The following SHLD2 variants were observed in gnomAD, a reference collection of about 807,000 sequenced individuals.
The protein encoded by SHLD2 is RINN1-REV7-interacting novel NHEJ regulator 2.
Under a neutral mutation model 73.2 loss-of-function variants are expected in SHLD2, and 30 were observed. The ratio of observed to expected loss-of-function variants is 0.41; its 90% confidence interval spans 0.31 to 0.56. The LOEUF is 0.56. Among genes scored for constraint, SHLD2 ranks in the 20% least tolerant of loss-of-function variants. SHLD2 has a pLI of 0.28. For synonymous variants in SHLD2, 285 were observed against 370.1 expected, an observed-to-expected ratio of 0.77 and a Z score of 2.64; for missense variants, 745 against 1,055.9, an observed-to-expected ratio of 0.71 and a Z score of 4.08.
intron 4 of SHLD2, among the ~76,000 whole-genome samples, chr10:87,160,294 C>G (rs1846711827): frequency 6.6e-6 from 1 of 151,880 alleles, no homozygotes; most frequent in Non-Finnish European, 1.5e-5. Flanking sequence ...CGACACCAGC[C>G]TGGATGATAT....
chr10:87,179,494 C>T (rs1224563191), intron 7 of SHLD2, among the ~76,000 whole-genome samples: 5 of 151,874 alleles, frequency 3.3e-5, no homozygotes, highest in South Asian at 2.1e-4. Context: ...CTCTGCCTCC[C>T]GGGTTCAAGC....
At chr10:87,165,500 ATTTT>A (rs970473224) in intron 4 of SHLD2, among the ~76,000 whole-genome samples, 1 of 152,224 alleles carries the variant, frequency 6.6e-6, no homozygotes, top group Non-Finnish European at 1.5e-5. Context: ...GATCCACCAT[ATTTT>A]TTGTGGAATT....
chr10:87,152,636 A>G lies in SHLD2; in HGVS notation c.1282A>G (p.Lys428Glu). 6.2e-7 allele frequency: 1 copy of G among 1,610,884 alleles called. No homozygotes were observed. Among genetic ancestry groups the G allele is most frequent in the Non-Finnish European group, 8.5e-7 (1 of 1,179,542 alleles). The change falls in exon 3 of 10, where the codon AAA becomes GAA. Residue 428 changes from lysine to glutamate, a missense_variant. Lys to Glu is a moderately conservative substitution (Grantham distance 56). Around this residue, in one of 5 missense-constraint regions of SHLD2, gnomAD observed 418 missense variants for 567.8 expected, o/e 0.74. Transcript: ENST00000298786. ...RNVSEFKSIK[K>E]TSLIKNCDSK... Reference sequence around the variant, plus strand: ...TGTGTCTGAATTTAAGAGTATTAAAAAAACATCATTAATAAAAAACTGTGA... The same window carrying G: ...TGTGTCTGAATTTAAGAGTATTAAAGAAACATCATTAATAAAAAACTGTGA...
intron 1 of SHLD2, among the ~76,000 whole-genome samples, chr10:87,096,266 A>C (rs1045516533): frequency 3.3e-5 from 5 of 152,174 alleles, no homozygotes; most frequent in African/African-American, 1.2e-4. Context: ...GCTGGTCTCC[A>C]ACGCCTGACC....
At chr10:87,120,682 A>G (rs1843556624) in intron 2 of SHLD2, among the ~76,000 whole-genome samples, 1 of 152,152 alleles carries the variant, frequency 6.6e-6, no homozygotes, top group Admixed American at 6.5e-5. Context: ...CTCATTCCTT[A>G]ACATTTAAAA....
intron 2 of SHLD2, among the ~76,000 whole-genome samples, chr10:87,105,237 AG>A (rs1460095318): frequency 1.3e-5 from 2 of 152,196 alleles, no homozygotes; most frequent in Admixed American, 6.5e-5. Flanking sequence ...GGGAAGTGTA[AG>A]GTAAAAATTG....
chr10:87,102,777 C>G (rs1842352541), intron 2 of SHLD2, among the ~76,000 whole-genome samples: 1 of 152,116 alleles, frequency 6.6e-6, no homozygotes, highest in African/African-American at 2.4e-5. Flanking sequence ...GTTGCCTAGG[C>G]TGGTCTCATG....
In SHLD2 at chr10:87,180,153, A is replaced by G. The variant is rs1211873749; in HGVS notation, c.2249A>G (p.His750Arg). 2 of 1,613,888 alleles carry G rather than the reference A, an allele frequency of 1.2e-6. No homozygotes were observed. The highest frequency in any genetic ancestry group is 1.3e-5 in the African/African-American group (1 of 75,038). ...TASQKIALNA[H>R]SSLKSIFSSL... ...TCTCAGAAGATAGCGCTAAATGCTC[A>G]CAGTTCTCTGAAGAGTATTTTTTCT... The change falls in exon 8 of 10, where the codon CAC (histidine) becomes CGC (arginine). Residue 750 changes from histidine to arginine, a missense_variant. Physicochemically the swap from His to Arg is conservative, Grantham distance 29. Coordinates refer to ENST00000298786, the MANE Select transcript of SHLD2 (RefSeq NM_001330112.2).
At chr10:87,121,311 G>T (rs1843602109) in intron 2 of SHLD2, among the ~76,000 whole-genome samples, 1 of 151,968 alleles carries the variant, frequency 6.6e-6, no homozygotes, top group African/African-American at 2.4e-5. Flanking sequence ...TTTTAGTAGA[G>T]ACAGAGTTTC....
chr10:87,164,794 T>A (rs1847082352), intron 4 of SHLD2, among the ~76,000 whole-genome samples: 1 of 152,242 alleles, frequency 6.6e-6, no homozygotes, highest in Non-Finnish European at 1.5e-5. Flanking sequence ...CTTACTGACA[T>A]AAAGATATAT....
At chr10:87,114,033 G>A (rs1192482452) in intron 2 of SHLD2, 1 of 151,752 alleles carries the variant, frequency 6.6e-6, no homozygotes, top group Non-Finnish European at 1.5e-5. Context: ...TATGGTATTT[G>A]CTTTGGAATT....
At chr10:87,168,411 A>G (rs1375794688) in intron 4 of SHLD2, among the ~76,000 whole-genome samples, 9 of 152,106 alleles carry the variant, frequency 5.9e-5, no homozygotes, top group Non-Finnish European at 1.2e-4. Context: ...AGCCTGAGCA[A>G]GGTGGCAAAA....
chr10:87,153,145 A>G (rs1008933308), intron 3 of SHLD2, among the ~76,000 whole-genome samples: 3 of 152,030 alleles, frequency 2.0e-5, no homozygotes, highest in African/African-American at 7.3e-5. Flanking sequence ...TTCCCTAGTC[A>G]GGTGGAGTGG....
At chr10:87,101,457 T>C (rs1842260733) in intron 2 of SHLD2, among the ~76,000 whole-genome samples, 1 of 152,242 alleles carries the variant, frequency 6.6e-6, no homozygotes. Context: ...GATAGGGTCT[T>C]ACTGTGTGGC....
At chr10:87,179,227 T>G (rs1310663836) in intron 7 of SHLD2, among the ~76,000 whole-genome samples, 1 of 152,238 alleles carries the variant, frequency 6.6e-6, no homozygotes, top group Non-Finnish European at 1.5e-5. Flanking sequence ...ATTATGAATA[T>G]GCTTGAGGTT....
rs548194787 is a variant in SHLD2 at position 87,100,023 on chromosome 10, A to G, written c.-6+3034A>G. On this transcript the variant is annotated intron_variant, in intron 2 of 9. Coordinates refer to ENST00000298786, the MANE Select transcript of SHLD2 (RefSeq NM_001330112.2). ...ATGTTCTAGATGTAAGTTCCTTACC[A>G]GATTTGAAAATGTTTTCATCCATTC... Among the ~76,000 whole-genome samples, 4 of 152,292 alleles carry G rather than the reference A, an allele frequency of 2.6e-5. No individual in the cohort carries two copies. The South Asian group carries it at 6.2e-4, about 24-fold the overall frequency.
chr10:87,178,726 AAAT>A (rs1848111398), intron 7 of SHLD2, among the ~76,000 whole-genome samples: 1 of 152,188 alleles, frequency 6.6e-6, no homozygotes, highest in Admixed American at 6.5e-5. Flanking sequence ...AAACAAAAAA[AAAT>A]AATAATAATT....
intron 2 of SHLD2, among the ~76,000 whole-genome samples, chr10:87,150,231 A>G (rs1243648462): frequency 6.6e-6 from 1 of 150,844 alleles, no homozygotes; most frequent in African/African-American, 2.4e-5. Flanking sequence ...CAGCTGGCTA[A>G]TTTTTGTATT....
intron 2 of SHLD2, among the ~76,000 whole-genome samples, chr10:87,140,429 A>AG (rs1214404350): frequency 6.6e-6 from 1 of 151,486 alleles, no homozygotes; most frequent in African/African-American, 2.4e-5. Context: ...CAAAAAAAAA[A>AG]AAAAAAGAAA....
Sources: allele counts gnomAD v4.1 joint callset (sites outside exome capture counted in the v4.1 genomes callset), GRCh38; gene constraint gnomAD v4.1.1; regional missense constraint gnomAD v4.1.1; transcripts MANE v1.5; gene names NCBI Gene and HGNC (gene_info 2026-07-23, HGNC 2026-07-21).